PTGES3: variants seen among roughly 807,000 people sequenced by gnomAD.
PTGES3 encodes prostaglandin E synthase 3.
In PTGES3, 5 loss-of-function variants were observed where a neutral mutation model predicts 29.9. That is an observed-to-expected ratio of 0.17 (90% CI 0.09 to 0.35). PTGES3 has a LOEUF of 0.35. PTGES3 is among the 10% of genes least tolerant of loss of function. PTGES3 has a pLI of 1.00. For missense variants in PTGES3, 128 were observed against 190.0 expected (o/e 0.67, Z 1.92); for synonymous variants, 49 against 57.8 (o/e 0.85, Z 0.69).
chr12:56,676,749 C>G (rs1952269070), intron 1 of PTGES3, among the ~76,000 whole-genome samples: 1 of 151,416 alleles, frequency 6.6e-6, no homozygotes, highest in African/African-American at 2.4e-5. Context: ...ATGGTGAAAC[C>G]CCATCGCTAC....
At chr12:56,687,259 A>T in intron 1 of PTGES3, 7 of 1,005,946 alleles carry the variant, frequency 7.0e-6, no homozygotes, top group Non-Finnish European at 8.3e-6. Context: ...CCTCAAGTAG[A>T]ACATGAAACA....
At chr12:56,664,863 A>G (rs1372189851) in intron 6 of PTGES3, 63 bp from the exon 7 acceptor site, 7 of 1,574,716 alleles carry the variant, frequency 4.4e-6, no homozygotes, top group Non-Finnish European at 6.0e-6. Context: ...TGAACAGTTT[A>G]CCTAAAAAAG....
At position 56,666,106 on chromosome 12, in the gene PTGES3, G is replaced by A. The variant is rs191949243; in HGVS notation, c.438+98C>T. 2.1e-4 allele frequency: 292 copies of A among 1,388,160 alleles called. No individual in the cohort carries two copies. The African/African-American group carries it at 2.4e-3, about 11-fold the overall frequency. The allele number at this position is 1,388,160 out of a possible 1,614,324, so 86.0% of individuals were successfully genotyped here. A position where few individuals can be genotyped will look rare whatever the true frequency, so the allele number is the denominator to read the frequency against. On this transcript the variant is annotated intron_variant, in intron 6 of 7. Transcript: ENST00000262033. ...CCTTTTCTTTTTTTTTAGAAAATAAGAAGTAATTGTGAATCTATATAAAAC... is the reference window on the plus strand; with the variant it reads ...CCTTTTCTTTTTTTTTAGAAAATAAAAAGTAATTGTGAATCTATATAAAAC...
intron 4 of PTGES3, among the ~76,000 whole-genome samples, chr12:56,670,953 AAAC>A (rs1425942289): frequency 1.3e-5 from 2 of 152,070 alleles, no homozygotes; most frequent in Admixed American, 1.3e-4. Flanking sequence ...AAAAACAAAA[AAAC>A]AAATTTCCTG....
intron 5 of PTGES3, 79 bp downstream of exon 5, chr12:56,670,196 C>A: frequency 1.0e-6 from 1 of 970,148 alleles, no homozygotes; most frequent in East Asian, 2.4e-5. Flanking sequence ...CCATTAGGTG[C>A]CCAAAACCAT....
intron 7 of PTGES3, 28 bp from the exon 8 acceptor site, chr12:56,664,526 T>C (rs1239346532): frequency 1.9e-6 from 3 of 1,586,004 alleles, no homozygotes; most frequent in Middle Eastern, 1.8e-4. Flanking sequence ...AATATTAGTA[T>C]ATAGTACAAG....
At chr12:56,686,034 C>CA (rs1952829700) in intron 1 of PTGES3, among the ~76,000 whole-genome samples, 1 of 151,878 alleles carries the variant, frequency 6.6e-6, no homozygotes, top group Non-Finnish European at 1.5e-5. Context: ...CTCGGCCTCC[C>CA]AAGTATAGGG....
intron 1 of PTGES3, among the ~76,000 whole-genome samples, chr12:56,682,375 G>C (rs1369241677): frequency 6.6e-6 from 1 of 152,070 alleles, no homozygotes; most frequent in African/African-American, 2.4e-5. Context: ...ATAAGCCTTA[G>C]CAACATTGTG....
chr12:56,687,884 C>A, intron 1 of PTGES3, 114 bp downstream of exon 1: 2 of 1,580,774 alleles, frequency 1.3e-6, no homozygotes, highest in Non-Finnish European at 8.5e-7. Flanking sequence ...CGCCCCCAGG[C>A]AGGAACGACT....
At chr12:56,668,992 A>G (rs1035926810) in intron 5 of PTGES3, among the ~76,000 whole-genome samples, 4 of 146,092 alleles carry the variant, frequency 2.7e-5, no homozygotes, top group South Asian at 2.2e-4. Flanking sequence ...TCTCATGGTA[A>G]ACATTTCACC....
chr12:56,664,825 C>A, intron 6 of PTGES3, 25 bp from the exon 7 acceptor site: 1 of 1,592,488 alleles, frequency 6.3e-7, no homozygotes, highest in African/African-American at 1.4e-5. Flanking sequence ...ATAAAGTTAC[C>A]GAGCTGATCA....
chr12:56,672,278 TG>T (rs1429386874), intron 3 of PTGES3, among the ~76,000 whole-genome samples: 1 of 151,986 alleles, frequency 6.6e-6, no homozygotes, highest in Non-Finnish European at 1.5e-5. Flanking sequence ...CCGAGGCAGG[TG>T]GAACACCTGA....
intron 1 of PTGES3, 50 bp from the exon 2 acceptor site, chr12:56,673,115 C>A: frequency 8.1e-7 from 1 of 1,238,084 alleles, no homozygotes; most frequent in Non-Finnish European, 1.2e-6. Flanking sequence ...ATTAACTAAA[C>A]ATTCACATAC....
chr12:56,680,783 T>A (rs1350287058), intron 1 of PTGES3, among the ~76,000 whole-genome samples: 1 of 7,948 alleles, frequency 1.3e-4, no homozygotes, highest in Non-Finnish European at 1.9e-4. Flanking sequence ...TTTTAAAAGT[T>A]TTTTTTTTTT....
chr12:56,679,334 G>C (rs1056944638), intron 1 of PTGES3, among the ~76,000 whole-genome samples: 1 of 147,616 alleles, frequency 6.8e-6, no homozygotes, highest in Admixed American at 7.0e-5. Context: ...TTGAACCCAG[G>C]AGGCGGAGGC....
At chr12:56,668,099 ACT>A (rs1951854922) in intron 5 of PTGES3, among the ~76,000 whole-genome samples, 1 of 152,162 alleles carries the variant, frequency 6.6e-6, no homozygotes, top group Admixed American at 6.6e-5. Flanking sequence ...CAAGAGCAAA[ACT>A]CTGCCTCAAA....
intron 1 of PTGES3, among the ~76,000 whole-genome samples, chr12:56,677,720 G>C (rs1952323771): frequency 6.6e-6 from 1 of 151,916 alleles, no homozygotes; most frequent in Non-Finnish European, 1.5e-5. Context: ...GCAACCACCA[G>C]AAATTCAGTT....
At position 56,664,664 on chromosome 12, in the gene PTGES3, A is replaced by C. The variant is rs900723840; in HGVS notation, c.463+112T>G. On this transcript the variant is annotated intron_variant, in intron 7 of 7. Transcript: ENST00000262033. ...ACATTTCTGCTTTGGTTATTTATTCAAGGTCATAAAGAAAAAATTACTTTA... is the reference window on the plus strand; with the variant it reads ...ACATTTCTGCTTTGGTTATTTATTCCAGGTCATAAAGAAAAAATTACTTTA... The C allele has an allele frequency of 4.9e-6, 7 of 1,421,684 alleles. No homozygotes were observed. The African/African-American group carries it at 1.0e-4, about 21-fold the overall frequency. The allele number at this position is 1,421,684 out of a possible 1,614,324, so 88.1% of individuals were successfully genotyped here. A position where few individuals can be genotyped will look rare whatever the true frequency, so the allele number is the denominator to read the frequency against.
intron 5 of PTGES3, among the ~76,000 whole-genome samples, chr12:56,669,818 G>GC (rs1024084634): frequency 6.6e-6 from 1 of 150,742 alleles, no homozygotes; most frequent in Non-Finnish European, 1.5e-5. Context: ...CACCAAGTTG[G>GC]CCCGTATGAT....
Sources: gnomAD v4.1 joint callset for allele counts (sites outside exome capture counted in the v4.1 genomes callset) on GRCh38, gnomAD v4.1.1 for gene constraint, MANE v1.5 for transcripts, NCBI Gene and HGNC (gene_info 2026-07-23, HGNC 2026-07-21) for gene names.